Variants in TMEM117 observed in about 807,000 individuals in gnomAD.
TMEM117 encodes transmembrane protein 117.
In TMEM117, 27 loss-of-function variants were observed where a neutral mutation model predicts 52.4. That is an observed-to-expected ratio of 0.51 (90% confidence interval 0.38 to 0.71). TMEM117 has a LOEUF of 0.71. Among genes scored for constraint, TMEM117 ranks in the 30% least tolerant of loss-of-function variants. The pLI is 0.00. For missense variants in TMEM117, 556 were observed against 630.5 expected (o/e 0.88, Z 1.26); for synonymous variants, 215 against 206.3 (o/e 1.04, Z -0.36).
At chr12:43,901,443 T>A (rs551406639) in intron 2 of TMEM117, among the ~76,000 whole-genome samples, 4 of 152,296 alleles carry the variant, frequency 2.6e-5, no homozygotes, top group Admixed American at 6.5e-5. Context: ...CCTGAGTAGC[T>A]GGGATTATAG....
chr12:43,860,882 C>T (rs542871685), intron 2 of TMEM117, among the ~76,000 whole-genome samples: 9 of 152,198 alleles, frequency 5.9e-5, no homozygotes, highest in South Asian at 2.1e-4. Flanking sequence ...GTTTTAGTGA[C>T]GCCCTTGAGC....
intron 3 of TMEM117, among the ~76,000 whole-genome samples, chr12:43,991,521 A>G (rs556761752): frequency 6.6e-6 from 1 of 152,168 alleles, no homozygotes; most frequent in South Asian, 2.1e-4. Context: ...GAAATATAAG[A>G]TATTGTCCCT....
intron 2 of TMEM117, among the ~76,000 whole-genome samples, chr12:43,863,564 A>G (rs2137402938): frequency 6.6e-6 from 1 of 152,290 alleles, no homozygotes; most frequent in South Asian, 2.1e-4. Context: ...AAACAGTTGG[A>G]AAGTAATAGA....
At chr12:44,227,988 A>G (rs1949884938) in intron 5 of TMEM117, among the ~76,000 whole-genome samples, 1 of 144,802 alleles carries the variant, frequency 6.9e-6, no homozygotes, top group Non-Finnish European at 1.5e-5. Flanking sequence ...TTAATTGACA[A>G]GATGACTTAG....
chr12:43,824,178 G>A, the TMEM117 span, among the ~76,000 whole-genome samples: 2 of 152,136 alleles, frequency 1.3e-5, no homozygotes, highest in African/African-American at 2.4e-5. Flanking sequence ...CATGTCTATC[G>A]AATTCTAATA....
At chr12:44,351,739 G>T (rs1004834090) in intron 6 of TMEM117, among the ~76,000 whole-genome samples, 5 of 152,014 alleles carry the variant, frequency 3.3e-5, no homozygotes, top group Non-Finnish European at 7.4e-5. Context: ...CATTTTGCTT[G>T]TGGATGTTTG....
chr12:43,939,392 G>T (rs1945008067), intron 2 of TMEM117, among the ~76,000 whole-genome samples: 1 of 152,084 alleles, frequency 6.6e-6, no homozygotes, highest in South Asian at 2.1e-4. Context: ...CCTAGTCAGG[G>T]TCTTATGTGT....
intron 3 of TMEM117, among the ~76,000 whole-genome samples, chr12:44,107,472 G>T (rs1242121273): frequency 6.6e-6 from 1 of 152,032 alleles, no homozygotes; most frequent in Admixed American, 6.6e-5. Flanking sequence ...TTGCACAGTG[G>T]TTTAAGAGCA....
chr12:44,230,480 T>C (rs1198057963), intron 5 of TMEM117, among the ~76,000 whole-genome samples: 1 of 152,048 alleles, frequency 6.6e-6, no homozygotes, highest in African/African-American at 2.4e-5. Context: ...GAATCAGCTA[T>C]TTGCTATCCT....
chr12:44,092,492 C>T (rs1042850088), intron 3 of TMEM117, among the ~76,000 whole-genome samples: 4 of 152,088 alleles, frequency 2.6e-5, no homozygotes, highest in African/African-American at 9.7e-5. Flanking sequence ...TGCTTTAATG[C>T]TAGCTTGTGT....
At chr12:44,310,736 G>A (rs1950964039) in intron 6 of TMEM117, among the ~76,000 whole-genome samples, 1 of 152,132 alleles carries the variant, frequency 6.6e-6, no homozygotes, top group African/African-American at 2.4e-5. Flanking sequence ...AGTGGGTAAT[G>A]GTGCCTGGGA....
intron 3 of TMEM117, among the ~76,000 whole-genome samples, chr12:44,016,716 A>G (rs1455002260): frequency 6.6e-6 from 1 of 152,166 alleles, no homozygotes; most frequent in African/African-American, 2.4e-5. Context: ...GAATGTAGGC[A>G]GAGGTCAATG....
At chr12:43,818,418 C>T in the TMEM117 span, among the ~76,000 whole-genome samples, 1 of 147,444 alleles carries the variant, frequency 6.8e-6, no homozygotes, top group East Asian at 1.9e-4. Flanking sequence ...AAATTTGTAT[C>T]TGTTTTTTTT....
Position 43,976,662 on chromosome 12 carries a change from G to A in TMEM117, c.410+32320G>A, listed in dbSNP as rs139849565. Among the ~76,000 whole-genome samples the A allele has an allele frequency of 7.1e-3, 1,074 of 152,168 alleles. 11 individuals are homozygous for A. The highest frequency in any genetic ancestry group is 0.024 in the African/African-American group (997 of 41,502). ...TCAGCTCATTCTTCCCTGAAGCTTTGCAAAACCTCCTGGCCTTCCAAGAAG... is the reference window on the plus strand; with the variant it reads ...TCAGCTCATTCTTCCCTGAAGCTTTACAAAACCTCCTGGCCTTCCAAGAAG... On this transcript the variant is annotated intron_variant, in intron 3 of 7. Coordinates refer to ENST00000266534, the MANE Select transcript of TMEM117 (RefSeq NM_032256.3).
chr12:44,193,066 A>G (rs2138347832), intron 4 of TMEM117, among the ~76,000 whole-genome samples: 2 of 152,322 alleles, frequency 1.3e-5, no homozygotes, highest in Middle Eastern at 3.4e-3. Flanking sequence ...ACCTTTGAAA[A>G]TCATTAAATA....
the TMEM117 span, among the ~76,000 whole-genome samples, chr12:43,812,224 C>T: frequency 0.25 from 38,059 of 152,126 alleles, 5,263 homozygotes; most frequent in African/African-American, 0.37. Flanking sequence ...ACCTACAGGC[C>T]TAGACTTGAC....
At chr12:44,274,579 C>T (rs139989538) in intron 5 of TMEM117, among the ~76,000 whole-genome samples, 11 of 152,208 alleles carry the variant, frequency 7.2e-5, no homozygotes, top group Non-Finnish European at 1.3e-4. Context: ...GTAACCAAAA[C>T]AGCATACTAC....
At chr12:43,873,537 T>C (rs1316487576) in intron 2 of TMEM117, among the ~76,000 whole-genome samples, 7 of 152,100 alleles carry the variant, frequency 4.6e-5, no homozygotes, top group Non-Finnish European at 7.4e-5. Context: ...TTCTTGCTTG[T>C]CCTGGATATT....
intron 3 of TMEM117, among the ~76,000 whole-genome samples, chr12:44,073,085 C>A (rs1465285552): frequency 2.6e-5 from 4 of 151,404 alleles, no homozygotes; most frequent in African/African-American, 9.7e-5. Flanking sequence ...CGAGACTGTC[C>A]CCTGCCCAAA....
Sources: gnomAD v4.1 joint callset for allele counts (sites outside exome capture counted in the v4.1 genomes callset) on GRCh38, gnomAD v4.1.1 for gene constraint, MANE v1.5 for transcripts, NCBI Gene and HGNC (gene_info 2026-07-23, HGNC 2026-07-21) for gene names.